The following CALD1 variants were observed in gnomAD, a reference collection of about 807,000 sequenced individuals.
The protein encoded by CALD1 is caldesmon.
CALD1 carries 33 observed loss-of-function variants against 99.9 expected under a neutral mutation model. The observed-to-expected ratio is 0.33, with a 90% CI of 0.25 to 0.44. The LOEUF (loss-of-function observed/expected upper bound fraction) is 0.44, where lower values mean the gene tolerates loss of function less well. CALD1 is among the 20% of genes least tolerant of loss of function. The pLI is 1.00. For synonymous variants in CALD1, 310 were observed against 325.0 expected (o/e 0.95, Z 0.50); for missense variants, 861 against 962.1 (o/e 0.89, Z 1.39).
At chr7:134,926,454 G>A (rs1805026526) in intron 3 of CALD1, among the ~76,000 whole-genome samples, 1 of 152,120 alleles carries the variant, frequency 6.6e-6, no homozygotes, top group Admixed American at 6.5e-5. Flanking sequence ...CATTTTATTT[G>A]TATTGGCTTT....
chr7:134,807,358 T>G (rs1018379191), intron 1 of CALD1, among the ~76,000 whole-genome samples: 3 of 152,170 alleles, frequency 2.0e-5, no homozygotes, highest in Admixed American at 2.0e-4. Flanking sequence ...ATGATTTCTA[T>G]TTTTCCCTAT....
intron 3 of CALD1, chr7:134,920,688 G>C (rs1331409522): frequency 3.1e-6 from 4 of 1,289,198 alleles, no homozygotes; most frequent in Admixed American, 2.3e-5. Flanking sequence ...TTTTAGAGCT[G>C]ATCTTGGGGA....
intron 1 of CALD1, among the ~76,000 whole-genome samples, chr7:134,809,852 G>A (rs1318712434): frequency 1.3e-5 from 2 of 152,126 alleles, no homozygotes; most frequent in Admixed American, 6.5e-5. Context: ...CAGAGGTGAT[G>A]AGAACATATT....
At chr7:134,713,701 A>C in the CALD1 span, among the ~76,000 whole-genome samples, 2 of 152,154 alleles carry the variant, frequency 1.3e-5, no homozygotes, top group African/African-American at 4.8e-5. Flanking sequence ...AGTTCAGCTT[A>C]ATATTAATCT....
intron 13 of CALD1, chr7:134,960,918 G>T: frequency 4.5e-6 from 1 of 222,042 alleles, no homozygotes. Flanking sequence ...TCGTCTATTT[G>T]TTTAGCTTCT....
At chr7:134,794,645 C>A (rs1039038084) in intron 1 of CALD1, among the ~76,000 whole-genome samples, 1 of 152,056 alleles carries the variant, frequency 6.6e-6, no homozygotes, top group Non-Finnish European at 1.5e-5. Flanking sequence ...TGCCACCACG[C>A]CCAGCTAATT....
intron 1 of CALD1, among the ~76,000 whole-genome samples, chr7:134,789,254 G>A (rs1254747991): frequency 6.6e-6 from 1 of 152,156 alleles, no homozygotes. Flanking sequence ...GTTACGATTA[G>A]ATTAAGTAAT....
intron 1 of CALD1, among the ~76,000 whole-genome samples, chr7:134,753,804 C>A (rs935100643): frequency 6.6e-6 from 1 of 152,176 alleles, no homozygotes; most frequent in East Asian, 1.9e-4. Flanking sequence ...TATAATTTAA[C>A]GCTTCTGATA....
At chr7:134,964,239 C>T (rs1269949444) in intron 13 of CALD1, among the ~76,000 whole-genome samples, 3 of 152,066 alleles carry the variant, frequency 2.0e-5, no homozygotes, top group African/African-American at 4.8e-5. Context: ...TTGGGCTGCC[C>T]GGCAACGGAT....
At chr7:134,828,934 A>G (rs1799113176) in intron 1 of CALD1, among the ~76,000 whole-genome samples, 1 of 152,176 alleles carries the variant, frequency 6.6e-6, no homozygotes, top group African/African-American at 2.4e-5. Context: ...CCAAGCTCTT[A>G]ATTAGGAGCT....
chr7:134,913,854 G>A (rs1043664503), intron 3 of CALD1, among the ~76,000 whole-genome samples: 1 of 152,184 alleles, frequency 6.6e-6, no homozygotes, highest in Non-Finnish European at 1.5e-5. Flanking sequence ...GCTTTGGCCT[G>A]CAGGTCATAG....
At chr7:134,734,662 T>C in the CALD1 span, among the ~76,000 whole-genome samples, 1 of 152,168 alleles carries the variant, frequency 6.6e-6, no homozygotes, top group Non-Finnish European at 1.5e-5. Flanking sequence ...ATAGTGAATA[T>C]GTCTTACGAG....
intron 7 of CALD1, among the ~76,000 whole-genome samples, chr7:134,945,635 T>C (rs1806800679): frequency 2.6e-5 from 4 of 152,166 alleles, no homozygotes; most frequent in Non-Finnish European, 5.9e-5. Context: ...AATGAAGTAG[T>C]GGATATGAAA....
At chr7:134,737,411 G>A in the CALD1 span, among the ~76,000 whole-genome samples, 14 of 152,014 alleles carry the variant, frequency 9.2e-5, no homozygotes, top group African/African-American at 1.9e-4. Context: ...TTACAGGCAT[G>A]AGCCACTGCA....
intron 6 of CALD1, among the ~76,000 whole-genome samples, chr7:134,939,238 G>A (rs544329083): frequency 6.6e-6 from 1 of 152,362 alleles, no homozygotes; most frequent in South Asian, 2.1e-4. Context: ...TTCAGGCTAT[G>A]AGCTTGCTCC....
rs559624084 is a variant in CALD1 at position 134,783,776 on chromosome 7, A to G, written c.-130+4027A>G. Reference sequence around the variant, plus strand: ...GGAGTGGGGTCAGATCTGGATTCCCATAGAAGACAAGGGTGGATGGGATCA... The same window carrying G: ...GGAGTGGGGTCAGATCTGGATTCCCGTAGAAGACAAGGGTGGATGGGATCA... On this transcript the variant is annotated intron_variant, in intron 1 of 14. Transcript: ENST00000361675. The surrounding 1 kb of genome is among the most constrained non-coding windows in gnomAD (Gnocchi z 4.3). 2.0e-4 allele frequency among the ~76,000 whole-genome samples: 31 copies of G among 152,334 alleles called. No individual in the cohort carries two copies. Among genetic ancestry groups the G allele is most frequent in the Admixed American group, 5.2e-4 (8 of 15,298 alleles).
intron 1 of CALD1, among the ~76,000 whole-genome samples, chr7:134,817,784 A>C (rs1798615814): frequency 6.6e-6 from 1 of 152,150 alleles, no homozygotes; most frequent in Admixed American, 6.5e-5. Context: ...TAATTATCTT[A>C]CTCATTCCAT....
chr7:134,873,199 CA>C (rs1801182381), intron 3 of CALD1, among the ~76,000 whole-genome samples: 12 of 124,060 alleles, frequency 9.7e-5, no homozygotes, highest in South Asian at 5.7e-4. Context: ...AACAAACAAA[CA>C]AAACAAAAAA....
In CALD1 at chr7:134,895,646, C is replaced by T. The variant is rs534231477; in HGVS notation, c.71+27842C>T. 9.2e-5 allele frequency among the ~76,000 whole-genome samples: 14 copies of T among 152,218 alleles called. No individual in the cohort carries two copies. In the East Asian group the frequency reaches 9.7e-4, roughly 10 times the overall value. On this transcript the variant is annotated intron_variant, in intron 3 of 14. Coordinates refer to ENST00000361675, the MANE Select transcript of CALD1 (RefSeq NM_033138.4). ...ACAGGACACCCATTTGTTAGAATTA[C>T]GTTCAAAGTAAAAATCAACAATCTG...
Sources: gnomAD v4.1 joint callset for allele counts (sites outside exome capture counted in the v4.1 genomes callset) on GRCh38, gnomAD v4.1.1 for gene constraint, Gnocchi (gnomAD v3.1) non-coding constraint, MANE v1.5 for transcripts, NCBI Gene and HGNC (gene_info 2026-07-23, HGNC 2026-07-21) for gene names.